The following DSCAML1 variants were observed in gnomAD, a reference collection of about 807,000 sequenced individuals.
DSCAML1 encodes the protein cell adhesion molecule DSCAML1.
DSCAML1 carries 38 observed loss-of-function variants against 200.5 expected under a neutral mutation model. The ratio of observed to expected loss-of-function variants is 0.19; its 90% confidence interval spans 0.15 to 0.25. The LOEUF (loss-of-function observed/expected upper bound fraction) is 0.25. Among genes scored for constraint, DSCAML1 ranks in the 10% least tolerant of loss-of-function variants. DSCAML1 has a pLI of 1.00. For synonymous variants in DSCAML1, 1,215 were observed against 1,165.0 expected (o/e 1.04, Z -0.87); for missense variants, 2,223 against 2,858.8 (o/e 0.78, Z 5.07).
chr11:117,530,936 G>A lies in DSCAML1; in HGVS notation c.658+1440C>T, dbSNP rs114639706. Among the ~76,000 whole-genome samples, 131 of 152,266 alleles carry A rather than the reference G, an allele frequency of 8.6e-4. 2 individuals carry two copies. The highest frequency in any genetic ancestry group is 3.0e-3 in the African/African-American group (125 of 41,540). On this transcript the variant is annotated intron_variant, in intron 4 of 32. Coordinates refer to ENST00000651296, the MANE Select transcript of DSCAML1 (RefSeq NM_020693.4). ...ATCTCAAGACAGAGATTTTCAACTC[G>A]CAACCCGCAAACTTTTAGGAGGTTG...
chr11:117,665,798 C>G (rs1367177060), intron 3 of DSCAML1, among the ~76,000 whole-genome samples: 1 of 152,134 alleles, frequency 6.6e-6, no homozygotes, highest in Non-Finnish European at 1.5e-5. Flanking sequence ...TGAGGCAATG[C>G]CACACAGCCC....
rs752783913 is a variant in DSCAML1 at position 117,797,088 on chromosome 11, G to C, written c.-9C>G. The C allele has an allele frequency of 1.9e-6, 3 of 1,584,212 alleles. No homozygotes were observed. Among genetic ancestry groups the C allele is most frequent in the Non-Finnish European group, 2.6e-6 (3 of 1,166,110 alleles). On this transcript the variant is annotated 5_prime_UTR_variant, in exon 1 of 33. Transcript: ENST00000651296. Reference sequence around the variant, plus strand: ...AAAGTTACCAGCCACATGCCATAAAGAGGCCCTATTCTCCGGGGAGGTGGT... The same window carrying C: ...AAAGTTACCAGCCACATGCCATAAACAGGCCCTATTCTCCGGGGAGGTGGT...
In DSCAML1 at chr11:117,438,061, C is replaced by G; in HGVS notation, c.4266G>C (p.Val1422=). The G allele has an allele frequency of 6.2e-7, 1 of 1,613,610 alleles. No individual in the cohort carries two copies. Among genetic ancestry groups the G allele is most frequent in the Non-Finnish European group, 8.5e-7 (1 of 1,179,734 alleles). Residue 1422 remains valine, a synonymous_variant, in exon 25 of 33, where the codon GTG becomes GTC. Transcript: ENST00000651296. ...SIRGFVLQYS[V]DNSEEWKDVF... ...CATCCTTCCACTCCTCGCTGTTGTC[C>G]ACCGAGTACTGTAGCACGAAGCCTG...
Position 117,521,446 on chromosome 11 carries a change from G to C in DSCAML1, c.938-41C>G, listed in dbSNP as rs961081247. On this transcript the variant is annotated intron_variant, in intron 5 of 32. Coordinates refer to ENST00000651296, the MANE Select transcript of DSCAML1 (RefSeq NM_020693.4). ...GAGACGTGAGGGGAAATGGGAGGGAGGAAAGAACAGAAAAAGGGCTTACTG... is the reference window on the plus strand; with the variant it reads ...GAGACGTGAGGGGAAATGGGAGGGACGAAAGAACAGAAAAAGGGCTTACTG... The C allele has an allele frequency of 3.1e-6, 5 of 1,593,234 alleles. No homozygotes were observed. In the African/African-American group the frequency reaches 6.7e-5, roughly 21 times the overall value.
chr11:117,609,035 CAAA>C (rs58446545), intron 3 of DSCAML1, among the ~76,000 whole-genome samples: 1 of 110,866 alleles, frequency 9.0e-6, no homozygotes, highest in African/African-American at 3.6e-5. Context: ...AACAAACAAA[CAAA>C]AAAAACAAAA....
At chr11:117,526,806 G>A (rs1030182422) in intron 4 of DSCAML1, among the ~76,000 whole-genome samples, 9 of 151,570 alleles carry the variant, frequency 5.9e-5, no homozygotes, top group Admixed American at 1.3e-4. Context: ...ATGAGCCACC[G>A]TGCCCAGCTC....
At chr11:117,782,411 G>T (rs908825066) in intron 1 of DSCAML1, among the ~76,000 whole-genome samples, 1 of 152,232 alleles carries the variant, frequency 6.6e-6, no homozygotes, top group Admixed American at 6.5e-5. Flanking sequence ...TCCCCACCAG[G>T]CACTGCACTC....
chr11:117,644,808 G>A (rs2052489112), intron 3 of DSCAML1, among the ~76,000 whole-genome samples: 2 of 152,232 alleles, frequency 1.3e-5, no homozygotes, highest in African/African-American at 2.4e-5. Context: ...ATAGCTACCA[G>A]GGACTATGGT....
At chr11:117,633,031 A>G (rs1276535660) in intron 3 of DSCAML1, among the ~76,000 whole-genome samples, 1 of 152,222 alleles carries the variant, frequency 6.6e-6, no homozygotes, top group African/African-American at 2.4e-5. Flanking sequence ...GGCTGTAAGT[A>G]TCCTTTCAAC....
chr11:117,524,220 GAGGAATAGGA>G (rs980106396), intron 5 of DSCAML1, among the ~76,000 whole-genome samples: 2 of 152,240 alleles, frequency 1.3e-5, no homozygotes, highest in African/African-American at 4.8e-5. Context: ...GGGGCAGGAG[GAGGAATAGGA>G]AGGAACCAGG....
At chr11:117,738,306 A>G (rs1343861572) in intron 3 of DSCAML1, among the ~76,000 whole-genome samples, 1 of 152,008 alleles carries the variant, frequency 6.6e-6, no homozygotes, top group East Asian at 1.9e-4. Context: ...TTCCACACAA[A>G]ATGAAACCTA....
At chr11:117,552,686 G>A (rs899379901) in intron 3 of DSCAML1, among the ~76,000 whole-genome samples, 10 of 152,236 alleles carry the variant, frequency 6.6e-5, no homozygotes, top group African/African-American at 2.4e-4. Flanking sequence ...GAAAGTGATT[G>A]CTATCATCGT....
chr11:117,540,438 C>A (rs1342426791), intron 3 of DSCAML1, among the ~76,000 whole-genome samples: 1 of 152,162 alleles, frequency 6.6e-6, no homozygotes, highest in Non-Finnish European at 1.5e-5. Flanking sequence ...TCCATGAAAC[C>A]AGTGGGGGAC....
intron 4 of DSCAML1, 63 bp downstream of exon 4, chr11:117,532,313 C>A: frequency 6.5e-7 from 1 of 1,545,094 alleles, no homozygotes; most frequent in Non-Finnish European, 8.8e-7. Flanking sequence ...TGCCAAGTTC[C>A]AGGGATGGCC....
intron 13 of DSCAML1, 144 bp downstream of exon 13, chr11:117,481,030 G>GA (rs1592644457): frequency 1.3e-6 from 1 of 756,092 alleles, no homozygotes; most frequent in East Asian, 2.7e-5. Context: ...AGGGCAGGTG[G>GA]AGGGAGGCTT....
intron 3 of DSCAML1, among the ~76,000 whole-genome samples, chr11:117,641,599 G>A (rs1247847314): frequency 6.6e-6 from 1 of 152,154 alleles, no homozygotes; most frequent in Non-Finnish European, 1.5e-5. Context: ...GGGCAGCATG[G>A]GCTGTGGAGT....
At chr11:117,649,463 T>C (rs927218836) in intron 3 of DSCAML1, among the ~76,000 whole-genome samples, 8 of 152,302 alleles carry the variant, frequency 5.3e-5, no homozygotes, top group South Asian at 2.1e-4. Context: ...ACTAGCCATA[T>C]GCCTGTTCTT....
At chr11:117,594,152 T>G (rs952526990) in intron 3 of DSCAML1, among the ~76,000 whole-genome samples, 1 of 152,060 alleles carries the variant, frequency 6.6e-6, no homozygotes, top group South Asian at 2.1e-4. Context: ...AGTATAAACC[T>G]CAAGGAATTC....
At chr11:117,733,143 C>T (rs1057204807) in intron 3 of DSCAML1, among the ~76,000 whole-genome samples, 3 of 151,938 alleles carry the variant, frequency 2.0e-5, no homozygotes, top group Admixed American at 1.3e-4. Flanking sequence ...GGAGGACATG[C>T]GGGGGAAGGG....
Sources: allele counts gnomAD v4.1 joint callset (sites outside exome capture counted in the v4.1 genomes callset), GRCh38; gene constraint gnomAD v4.1.1; transcripts MANE v1.5; gene names NCBI Gene and HGNC (gene_info 2026-07-23, HGNC 2026-07-21).